Variants in HDAC9 observed in about 807,000 individuals in gnomAD.
HDAC9 encodes the protein histone deacetylase 9, also known as MEF-2 interacting transcription repressor (MITR) protein.
HDAC9 carries 41 observed loss-of-function variants against 139.4 expected under a neutral mutation model. That is an observed-to-expected ratio of 0.29 (90% CI 0.23 to 0.38). The LOEUF (loss-of-function observed/expected upper bound fraction) is 0.38. HDAC9 is among the 10% of genes least tolerant of loss of function. The pLI, the probability that HDAC9 is intolerant of heterozygous loss-of-function variation, is 1.00. For missense variants in HDAC9, 1,147 were observed against 1,297.0 expected (o/e 0.88, Z 1.78); for synonymous variants, 517 against 476.2 (o/e 1.09, Z -1.12).
At chr7:18,309,318 T>G (rs1427750833) in intron 1 of HDAC9, among the ~76,000 whole-genome samples, 1 of 152,216 alleles carries the variant, frequency 6.6e-6, no homozygotes, top group Non-Finnish European at 1.5e-5. Context: ...CTTACATAGT[T>G]CGAGGAACTG....
In HDAC9 at chr7:18,796,441, T is replaced by A. The variant is rs1055101038; in HGVS notation, c.2322+2989T>A. 5.3e-5 allele frequency among the ~76,000 whole-genome samples: 8 copies of A among 152,224 alleles called. No homozygotes were observed. The East Asian group carries it at 5.8e-4, about 11-fold the overall frequency. On this transcript the variant is annotated intron_variant, in intron 17 of 25. Transcript: ENST00000686413. ...GCACAGGGGGTGGGTTTCCTGTTAA[T>A]GCTTAAATAGAACATGTGCAGCAAA...
intron 2 of HDAC9, among the ~76,000 whole-genome samples, chr7:18,576,230 G>A (rs931401124): frequency 1.3e-5 from 2 of 152,276 alleles, no homozygotes; most frequent in African/African-American, 4.8e-5. Flanking sequence ...AATATACAGA[G>A]AAAGCACACT....
At chr7:18,593,040 G>A (rs1298963104) in intron 5 of HDAC9, among the ~76,000 whole-genome samples, 1 of 152,070 alleles carries the variant, frequency 6.6e-6, no homozygotes, top group Admixed American at 6.6e-5. Context: ...TTGAACTTCA[G>A]TAGAGTCCAA....
intron 8 of HDAC9, among the ~76,000 whole-genome samples, chr7:18,636,132 G>A (rs1348377958): frequency 3.9e-5 from 6 of 152,032 alleles, no homozygotes; most frequent in Non-Finnish European, 1.5e-5. Flanking sequence ...TTGGTTTTCA[G>A]GGCCTCAGAA....
intron 12 of HDAC9, among the ~76,000 whole-genome samples, chr7:18,691,711 T>G (rs1192860892): frequency 6.6e-6 from 1 of 152,068 alleles, no homozygotes; most frequent in Non-Finnish European, 1.5e-5. Context: ...TGGCAGTCCT[T>G]TAGAATGGAT....
rs149604806 is a variant in HDAC9 at position 18,113,854 on chromosome 7, T to G, written c.-97+26641T>G. Among the ~76,000 whole-genome samples the G allele has an allele frequency of 8.6e-3, 1,315 of 152,332 alleles. 45 individuals carry two copies. The highest frequency in any genetic ancestry group is 0.056 in the Admixed American group (852 of 15,304). ...ATTTCAAATCTTTTCAGATCTATTT[T>G]CTGAAATATTAATTATCCTAAATAT... On this transcript the variant is annotated intron_variant, in intron 1 of 12. Transcript: ENST00000417496.
rs144444615 is a variant in HDAC9, at chr7:18,141,034, C to T, written c.-96-21195C>T. Among the ~76,000 whole-genome samples the T allele has an allele frequency of 5.5e-4, 84 of 152,002 alleles. 2 individuals carry two copies. In the East Asian group the frequency reaches 0.015, roughly 26 times the overall value. Reference sequence around the variant, plus strand: ...AACTGGCCTCTATGAAAACAAGCATCTTCAGCTTTTGAGAAGTTGTGTGCC... The same window carrying T: ...AACTGGCCTCTATGAAAACAAGCATTTTCAGCTTTTGAGAAGTTGTGTGCC... On this transcript the variant is annotated intron_variant, in intron 1 of 12. Transcript: ENST00000417496.
chr7:18,748,951 G>A (rs1562910432), intron 13 of HDAC9, 54 bp from the exon 14 acceptor site: 10 of 1,528,998 alleles, frequency 6.5e-6, no homozygotes, highest in African/African-American at 1.4e-5. Context: ...CCTAACATGT[G>A]TCATTATCTT....
chr7:18,585,955 CATG>C (rs996016903), intron 3 of HDAC9, among the ~76,000 whole-genome samples: 2 of 152,044 alleles, frequency 1.3e-5, no homozygotes, highest in African/African-American at 4.8e-5. Flanking sequence ...AAAAAACAAA[CATG>C]GTGTATAAGT....
At chr7:18,931,386 G>A (rs575566667) in intron 22 of HDAC9, among the ~76,000 whole-genome samples, 2 of 152,216 alleles carry the variant, frequency 1.3e-5, no homozygotes, top group South Asian at 2.1e-4. Flanking sequence ...AGGTCCATAG[G>A]AATTGAGAAA....
chr7:18,483,104 CAAAG>C (rs951169903), intron 1 of HDAC9, among the ~76,000 whole-genome samples: 2 of 151,634 alleles, frequency 1.3e-5, no homozygotes, highest in Admixed American at 1.3e-4. Context: ...TTATATACTA[CAAAG>C]AAAGAAGAGA....
intron 2 of HDAC9, among the ~76,000 whole-genome samples, chr7:18,552,868 CAA>C (rs1298433635): frequency 6.6e-6 from 1 of 152,122 alleles, no homozygotes; most frequent in Non-Finnish European, 1.5e-5. Context: ...GAATTATCAT[CAA>C]AGAGAGAAGA....
Position 18,985,153 on chromosome 7 carries a change from A to G in HDAC9, c.3170+9200A>G, listed in dbSNP as rs572215956. On this transcript the variant is annotated intron_variant, in intron 25 of 25. Transcript: ENST00000686413. ...TTAGTTACATATGTATACATGTGCC[A>G]TGCTGGTGCGCTGCACCCACTAATT... Among the ~76,000 whole-genome samples, 13 of 152,206 alleles carry G rather than the reference A, an allele frequency of 8.5e-5. No individual in the cohort carries two copies. In the South Asian group the frequency reaches 1.7e-3, roughly 19 times the overall value.
chr7:18,802,403 A>G (rs1267753844), intron 17 of HDAC9, among the ~76,000 whole-genome samples: 1 of 152,006 alleles, frequency 6.6e-6, no homozygotes, highest in African/African-American at 2.4e-5. Flanking sequence ...CTGGAAGTTT[A>G]TGAGACCCGC....
At chr7:18,811,642 T>C (rs1284957741) in intron 17 of HDAC9, among the ~76,000 whole-genome samples, 1 of 151,920 alleles carries the variant, frequency 6.6e-6, no homozygotes, top group East Asian at 1.9e-4. Context: ...TATAATGGTA[T>C]AATTTTTTAT....
chr7:18,400,668 C>T (rs1787456098), intron 1 of HDAC9, among the ~76,000 whole-genome samples: 1 of 152,130 alleles, frequency 6.6e-6, no homozygotes, highest in Admixed American at 6.5e-5. Context: ...TCAATTTATA[C>T]ATGCAATTAT....
intron 21 of HDAC9, among the ~76,000 whole-genome samples, chr7:18,852,177 C>G (rs1343918153): frequency 1.3e-5 from 2 of 152,194 alleles, no homozygotes; most frequent in African/African-American, 4.8e-5. Flanking sequence ...CTTAACTGAG[C>G]TAGTTGCTGT....
chr7:18,198,146 C>G (rs764782406), intron 2 of HDAC9, among the ~76,000 whole-genome samples: 1 of 152,142 alleles, frequency 6.6e-6, no homozygotes, highest in African/African-American at 2.4e-5. Flanking sequence ...AATCAAAATA[C>G]TGTAATAGAT....
intron 14 of HDAC9, among the ~76,000 whole-genome samples, chr7:18,758,872 T>C (rs1789119229): frequency 6.6e-6 from 1 of 152,098 alleles, no homozygotes. Context: ...GGCTGTTCTC[T>C]AGCAACCAAA....
Sources: allele counts gnomAD v4.1 joint callset (sites outside exome capture counted in the v4.1 genomes callset), GRCh38; gene constraint gnomAD v4.1.1; transcripts MANE v1.5; gene names NCBI Gene and HGNC (gene_info 2026-07-23, HGNC 2026-07-21).